TMEM144: variants seen among roughly 807,000 people sequenced by gnomAD.
TMEM144 encodes the protein transmembrane protein 144.
Under a neutral mutation model 43.6 loss-of-function variants are expected in TMEM144, and 39 were observed. The observed-to-expected ratio is 0.90, with a 90% CI of 0.69 to 1.17. TMEM144 has a LOEUF of 1.17. TMEM144 is among the 50% of genes most tolerant of loss of function. TMEM144 has a pLI of 0.00. For missense variants in TMEM144, 417 were observed against 411.9 expected, an observed-to-expected ratio of 1.01 and a Z score of -0.11; for synonymous variants, 154 against 133.6, an observed-to-expected ratio of 1.15 and a Z score of -1.06.
chr4:158,229,143 G>A (rs1734931584), intron 6 of TMEM144, among the ~76,000 whole-genome samples: 1 of 152,028 alleles, frequency 6.6e-6, no homozygotes, highest in Non-Finnish European at 1.5e-5. Context: ...CTTGGTTTTG[G>A]GTCTGGTTCC....
At chr4:158,249,836 C>T (rs1453008238) in intron 12 of TMEM144, among the ~76,000 whole-genome samples, 1 of 149,184 alleles carries the variant, frequency 6.7e-6, no homozygotes, top group Non-Finnish European at 1.5e-5. Flanking sequence ...GAATTGCAGT[C>T]TTAAAAATTA....
chr4:158,249,240 T>C (rs894753638), intron 12 of TMEM144, among the ~76,000 whole-genome samples: 13 of 152,124 alleles, frequency 8.5e-5, no homozygotes, highest in African/African-American at 2.9e-4. Flanking sequence ...TGTTACTCAT[T>C]GGGAAATTCA....
At chr4:158,247,956 A>G (rs1397317954) in intron 12 of TMEM144, among the ~76,000 whole-genome samples, 3 of 151,634 alleles carry the variant, frequency 2.0e-5, no homozygotes, top group African/African-American at 7.2e-5. Flanking sequence ...CACATATACC[A>G]TATTTCTGAA....
intron 6 of TMEM144, among the ~76,000 whole-genome samples, chr4:158,221,133 T>G (rs1734486649): frequency 6.6e-6 from 1 of 152,190 alleles, no homozygotes; most frequent in African/African-American, 2.4e-5. Flanking sequence ...AGTCTTACAT[T>G]TTCTTTATAT....
intron 9 of TMEM144, among the ~76,000 whole-genome samples, chr4:158,238,814 A>G (rs1228478692): frequency 6.6e-6 from 1 of 152,096 alleles, no homozygotes; most frequent in African/African-American, 2.4e-5. Context: ...GGACATAATA[A>G]ACAGTGTCCT....
Position 158,253,670 on chromosome 4 carries a change from C to A in TMEM144, c.*143C>A. The A allele has an allele frequency of 8.1e-6, 5 of 619,714 alleles. No individual in the cohort carries two copies. The highest frequency in any genetic ancestry group is 2.3e-5 in the South Asian group (1 of 43,928). 38.4% of individuals were successfully genotyped at this position (619,714 alleles called of 1,614,324 possible). On this transcript the variant is annotated 3_prime_UTR_variant, in exon 13 of 13. Transcript: ENST00000296529. ...TGGAGTGGGTAAATGATTTTTTTCC[C>A]CAAAAATGTGAGAATGAAGGAAGAT...
Position 158,240,416 on chromosome 4 carries a change from C to G in TMEM144, c.800C>G (p.Pro267Arg), listed in dbSNP as rs1188556726. Residue 267 changes from proline to arginine, a missense_variant and splice_region_variant, in exon 10 of 13, where the codon CCA becomes CGA. Pro to Arg is a moderately radical substitution (Grantham distance 103, BLOSUM62 -2). Transcript: ENST00000296529. ...AAACTATATCCTGAAGCAGTCCTAC[C>G]AGGTAAGAATATGTACTACAGATCT... The part of the protein sequence containing the change: ...SPKLYPEAVL[P>R]GFLSGVLWAI... 6.2e-7 allele frequency: 1 copy of G among 1,606,740 alleles called. No individual in the cohort carries two copies. Among genetic ancestry groups the G allele is most frequent in the South Asian group, 1.1e-5 (1 of 89,570 alleles).
chr4:158,212,806 A>T (rs1427886732), intron 3 of TMEM144, 30 bp downstream of exon 3: 1 of 1,525,346 alleles, frequency 6.6e-7, no homozygotes, highest in Non-Finnish European at 9.1e-7. Flanking sequence ...TGTTAACGTT[A>T]TATTATTTTT....
rs200840917 is a variant in TMEM144, at chr4:158,244,284, T to A, written c.901-12T>A. ...ATATCCAATTTAATTAAAATTTATA[T>A]TTTTATTTAAGGGTCCAGGATTTAT... is the stretch of plus-strand genomic sequence containing the variant. On this transcript the variant is annotated splice_polypyrimidine_tract_variant and intron_variant, in intron 11 of 12. Coordinates refer to ENST00000296529, the MANE Select transcript of TMEM144 (RefSeq NM_018342.5). The A allele has an allele frequency of 2.8e-4, 445 of 1,567,540 alleles. 3 individuals carry two copies. Among genetic ancestry groups the A allele is most frequent in the Non-Finnish European group, 1.6e-4 (185 of 1,152,010 alleles).
intron 12 of TMEM144, 90 bp from the exon 13 acceptor site, chr4:158,253,354 G>A (rs1370817555): frequency 1.8e-6 from 2 of 1,112,194 alleles, no homozygotes; most frequent in Non-Finnish European, 2.6e-6. Context: ...TAGAGCAGAT[G>A]GTTAGGTCCC....
intron 6 of TMEM144, among the ~76,000 whole-genome samples, chr4:158,229,003 A>G (rs1307671997): frequency 6.6e-6 from 1 of 152,108 alleles, no homozygotes; most frequent in Non-Finnish European, 1.5e-5. Context: ...AGAACAGGAC[A>G]GGGATTTTTA....
intron 3 of TMEM144, among the ~76,000 whole-genome samples, chr4:158,214,941 G>T (rs866803880): frequency 1.3e-5 from 2 of 152,236 alleles, no homozygotes; most frequent in Middle Eastern, 3.4e-3. Context: ...AGTCAACCTG[G>T]GTTTAAATTC....
intron 10 of TMEM144, among the ~76,000 whole-genome samples, chr4:158,240,922 G>T (rs527346794): frequency 2.4e-4 from 37 of 152,212 alleles, no homozygotes; most frequent in African/African-American, 8.7e-4. Context: ...TCTCATTTAG[G>T]AGTTTATTAT....
chr4:158,236,653 A>C (rs1464754860), intron 8 of TMEM144, among the ~76,000 whole-genome samples: 1 of 152,030 alleles, frequency 6.6e-6, no homozygotes, highest in Non-Finnish European at 1.5e-5. Context: ...TTTTGCCTAC[A>C]ACTGTCTTCT....
At chr4:158,210,699 T>G (rs1343183591) in intron 1 of TMEM144, 113 bp downstream of exon 1, 1 of 152,214 alleles carries the variant, frequency 6.6e-6, no homozygotes, top group Non-Finnish European at 1.5e-5. Flanking sequence ...AATAAATACA[T>G]TCAAGCACTG....
At chr4:158,242,588 T>C (rs1180488042) in intron 11 of TMEM144, among the ~76,000 whole-genome samples, 1 of 152,202 alleles carries the variant, frequency 6.6e-6, no homozygotes, top group Non-Finnish European at 1.5e-5. Context: ...CATAGTTATA[T>C]ATCCAGTGGT....
chr4:158,227,260 A>T (rs775844820), intron 6 of TMEM144, among the ~76,000 whole-genome samples: 1 of 151,936 alleles, frequency 6.6e-6, no homozygotes, highest in Non-Finnish European at 1.5e-5. Context: ...GGTTTCCTCT[A>T]AAAGTTATTT....
intron 6 of TMEM144, 92 bp downstream of exon 6, chr4:158,219,482 C>A: frequency 8.1e-7 from 1 of 1,232,686 alleles, no homozygotes; most frequent in Non-Finnish European, 1.2e-6. Context: ...TTTAAACCTA[C>A]ATTTCGTAAA....
At position 158,251,002 on chromosome 4, in the gene TMEM144, A is replaced by G. The variant is rs76424035; in HGVS notation, c.955-2442A>G. Among the ~76,000 whole-genome samples the G allele has an allele frequency of 5.6e-3, 851 of 152,314 alleles. 11 individuals are homozygous for G. The highest frequency in any genetic ancestry group is 0.02 in the African/African-American group (816 of 41,552). On this transcript the variant is annotated intron_variant, in intron 12 of 12. Transcript: ENST00000296529. Reference sequence around the variant, plus strand: ...TATTCCCTACAGATTTGAAGCTGGCAGGATACCAACTGCTGCCTAGAGTTG... The same window carrying G: ...TATTCCCTACAGATTTGAAGCTGGCGGGATACCAACTGCTGCCTAGAGTTG...
Sources: gnomAD v4.1 joint callset for allele counts (sites outside exome capture counted in the v4.1 genomes callset) on GRCh38, gnomAD v4.1.1 for gene constraint, MANE v1.5 for transcripts, NCBI Gene and HGNC (gene_info 2026-07-23, HGNC 2026-07-21) for gene names.